CDH13: variants seen among roughly 807,000 people sequenced by gnomAD.
The protein encoded by CDH13 is cadherin-13.
In CDH13, 24 loss-of-function variants were observed where a neutral mutation model predicts 63.8. The ratio of observed to expected loss-of-function variants is 0.38; its 90% confidence interval spans 0.27 to 0.53. The LOEUF (loss-of-function observed/expected upper bound fraction) is 0.53. CDH13 is among the 20% of genes least tolerant of loss of function. The pLI, the probability that CDH13 is intolerant of heterozygous loss-of-function variation, is 0.85. For missense variants in CDH13, 1,049 were observed against 903.1 expected (o/e 1.16, Z -2.07); for synonymous variants, 503 against 355.3 (o/e 1.42, Z -4.67).
At position 83,734,596 on chromosome 16, in the gene CDH13, G is replaced by T. The variant is rs545423698; in HGVS notation, c.1539-13512G>T. On this transcript the variant is annotated intron_variant, in intron 10 of 13. Coordinates refer to ENST00000567109, the MANE Select transcript of CDH13 (RefSeq NM_001257.5). ...GGGGACTGTTGTGGGGTGGGGGAAG[G>T]GGGGAGGGATAGCATTAGGAGATAT... is the stretch of plus-strand genomic sequence containing the variant. Among the ~76,000 whole-genome samples, 130 of 151,588 alleles carry T rather than the reference G, an allele frequency of 8.6e-4. 1 individual carries two copies. The highest frequency in any genetic ancestry group is 2.9e-3 in the African/African-American group (118 of 41,140).
chr16:82,814,066 A>G (rs2037582862), intron 1 of CDH13, among the ~76,000 whole-genome samples: 1 of 152,088 alleles, frequency 6.6e-6, no homozygotes, highest in Non-Finnish European at 1.5e-5. Flanking sequence ...TGAGGGTTTT[A>G]TAGTTTGAGA....
intron 2 of CDH13, among the ~76,000 whole-genome samples, chr16:82,899,205 A>C (rs890189534): frequency 6.6e-6 from 1 of 152,186 alleles, no homozygotes; most frequent in Non-Finnish European, 1.5e-5. Context: ...AGTGTCTGTG[A>C]TGTCAGGTGG....
chr16:83,745,201 C>G (rs546017946), intron 10 of CDH13, among the ~76,000 whole-genome samples: 8 of 152,244 alleles, frequency 5.3e-5, no homozygotes, highest in South Asian at 2.1e-4. Flanking sequence ...GGCTGCACCC[C>G]GAGGCTGTTT....
chr16:82,834,620 G>A (rs2038687237), intron 1 of CDH13, among the ~76,000 whole-genome samples: 2 of 152,198 alleles, frequency 1.3e-5, no homozygotes, highest in Non-Finnish European at 2.9e-5. Flanking sequence ...CAGCTGACCA[G>A]CTTTGGGTCT....
intron 8 of CDH13, among the ~76,000 whole-genome samples, chr16:83,630,507 G>C (rs916577472): frequency 3.9e-5 from 6 of 152,204 alleles, no homozygotes; most frequent in Admixed American, 2.6e-4. Flanking sequence ...CAGGTCATAA[G>C]TAGGTAACAG....
chr16:83,142,593 C>T (rs770403168), intron 4 of CDH13, among the ~76,000 whole-genome samples: 2 of 152,180 alleles, frequency 1.3e-5, no homozygotes, highest in Non-Finnish European at 2.9e-5. Context: ...TCGCCTAGTC[C>T]TTCTCCAGAG....
At chr16:82,841,891 C>T (rs1200271251) in intron 1 of CDH13, among the ~76,000 whole-genome samples, 1 of 151,904 alleles carries the variant, frequency 6.6e-6, no homozygotes, top group East Asian at 1.9e-4. Context: ...TCAGTGATTT[C>T]ACATTAGTAG....
chr16:83,735,211 A>G (rs1422223437), intron 10 of CDH13: 2 of 152,180 alleles, frequency 1.3e-5, no homozygotes, highest in African/African-American at 4.8e-5. Flanking sequence ...CCTTGTGCTC[A>G]GCTTATGCCC....
intron 4 of CDH13, among the ~76,000 whole-genome samples, chr16:83,171,750 G>A (rs775863889): frequency 2.6e-5 from 4 of 152,108 alleles, no homozygotes; most frequent in African/African-American, 4.8e-5. Context: ...GTCCCAAGCT[G>A]TATGTTTTCA....
chr16:83,731,275 G>A (rs28832642), intron 10 of CDH13, among the ~76,000 whole-genome samples: 4,518 of 152,148 alleles, frequency 0.03, 158 homozygotes, highest in African/African-American at 0.085. Flanking sequence ...ATTTACATTC[G>A]CACCAACAGT....
intron 11 of CDH13, 64 bp from the exon 12 acceptor site, chr16:83,779,904 G>T: frequency 9.4e-7 from 1 of 1,058,322 alleles, no homozygotes; most frequent in African/African-American, 1.6e-5. Flanking sequence ...AATGCAAAAA[G>T]TGCTATGGTA....
At chr16:83,267,871 A>C (rs2088672557) in intron 5 of CDH13, among the ~76,000 whole-genome samples, 1 of 152,332 alleles carries the variant, frequency 6.6e-6, no homozygotes, top group South Asian at 2.1e-4. Context: ...CTTTCCCAGA[A>C]GTTCCCATGC....
intron 4 of CDH13, among the ~76,000 whole-genome samples, chr16:83,155,169 G>A (rs922815543): frequency 3.9e-5 from 6 of 152,226 alleles, no homozygotes; most frequent in African/African-American, 1.4e-4. Flanking sequence ...GCAAAGACAA[G>A]TAGTCTTCCC....
At chr16:83,003,132 A>C (rs1009403126) in intron 2 of CDH13, among the ~76,000 whole-genome samples, 4 of 152,156 alleles carry the variant, frequency 2.6e-5, no homozygotes, top group African/African-American at 9.7e-5. Context: ...TGACTTATGT[A>C]AATATTTATC....
intron 5 of CDH13, among the ~76,000 whole-genome samples, chr16:83,333,648 C>G (rs2090524635): frequency 6.6e-6 from 1 of 152,090 alleles, no homozygotes; most frequent in African/African-American, 2.4e-5. Flanking sequence ...GCTCATTTAT[C>G]TTTTTATTTA....
chr16:82,876,021 G>C (rs542857156), intron 2 of CDH13, among the ~76,000 whole-genome samples: 1 of 152,170 alleles, frequency 6.6e-6, no homozygotes, highest in Non-Finnish European at 1.5e-5. Context: ...AATTTGTGCA[G>C]GGGAACTCCT....
intron 1 of CDH13, among the ~76,000 whole-genome samples, chr16:82,701,450 T>C (rs2031013748): frequency 6.6e-6 from 1 of 152,194 alleles, no homozygotes; most frequent in Admixed American, 6.5e-5. Flanking sequence ...TTGCAAGTGA[T>C]AGAAACCTAC....
At chr16:83,790,764 G>C (rs1199883718) in intron 13 of CDH13, among the ~76,000 whole-genome samples, 1 of 152,110 alleles carries the variant, frequency 6.6e-6, no homozygotes, top group African/African-American at 2.4e-5. Flanking sequence ...TCTTCCCCTA[G>C]CACCCTCCCA....
chr16:83,219,413 G>A (rs1464806984), intron 5 of CDH13, among the ~76,000 whole-genome samples: 19 of 152,162 alleles, frequency 1.2e-4, no homozygotes, highest in Admixed American at 5.2e-4. Flanking sequence ...CATGTACTAG[G>A]TGTGGAAACT....
Sources: allele counts gnomAD v4.1 joint callset (sites outside exome capture counted in the v4.1 genomes callset), GRCh38; gene constraint gnomAD v4.1.1; transcripts MANE v1.5; gene names NCBI Gene and HGNC (gene_info 2026-07-23, HGNC 2026-07-21).